LTBP1: variants seen among roughly 807,000 people sequenced by gnomAD.
The protein encoded by LTBP1 is latent-transforming growth factor beta-binding protein 1.
Under a neutral mutation model 207.6 loss-of-function variants are expected in LTBP1, and 129 were observed. The ratio of observed to expected loss-of-function variants is 0.62; its 90% CI spans 0.54 to 0.72. The LOEUF (loss-of-function observed/expected upper bound fraction) is 0.72, where lower values mean the gene tolerates loss of function less well. Ranked by LOEUF, LTBP1 falls within the 30% of genes least tolerant of loss-of-function variation. The probability of loss-of-function intolerance (pLI) is 0.00; values close to 1 mark genes in which losing one functional copy is unlikely to be tolerated. For synonymous variants in LTBP1, 963 were observed against 833.7 expected, an observed-to-expected ratio of 1.16 and a Z score of -2.67; for missense variants, 2,281 against 2,217.2, an observed-to-expected ratio of 1.03 and a Z score of -0.58.
At chr2:33,263,224 A>G (rs2093069481) in intron 14 of LTBP1, 70 bp from the exon 15 acceptor site, 1 of 899,932 alleles carries the variant, frequency 1.1e-6, no homozygotes, top group Non-Finnish European at 1.9e-6. Context: ...TTATGCTTGC[A>G]TTTTGAAATG....
intron 31 of LTBP1, among the ~76,000 whole-genome samples, chr2:33,376,986 T>C (rs1307155680): frequency 6.6e-6 from 1 of 151,898 alleles, no homozygotes; most frequent in African/African-American, 2.4e-5. Context: ...GGCAGGTGCA[T>C]TGGAAGGAAA....
At chr2:33,343,504 A>G (rs983936361) in intron 25 of LTBP1, among the ~76,000 whole-genome samples, 19 of 152,234 alleles carry the variant, frequency 1.2e-4, no homozygotes, top group Non-Finnish European at 4.4e-5. Context: ...AATTTTAACA[A>G]GAACATCTGT....
intron 8 of LTBP1, among the ~76,000 whole-genome samples, chr2:33,217,882 C>G (rs2090834323): frequency 6.6e-6 from 1 of 152,032 alleles, no homozygotes; most frequent in African/African-American, 2.4e-5. Context: ...AGTTGGATTA[C>G]TTATGGGGAA....
intron 16 of LTBP1, 137 bp from the exon 17 acceptor site, chr2:33,274,828 G>C: frequency 1.3e-6 from 1 of 746,020 alleles, no homozygotes; most frequent in South Asian, 1.7e-5. Flanking sequence ...GAGAAAGATC[G>C]TGTCTCCTTT....
chr2:33,153,747 C>T (rs1468124852), intron 5 of LTBP1, among the ~76,000 whole-genome samples: 3 of 152,164 alleles, frequency 2.0e-5, no homozygotes, highest in Non-Finnish European at 2.9e-5. Context: ...TCTAGATTAA[C>T]AGCATCTTGA....
intron 24 of LTBP1, among the ~76,000 whole-genome samples, chr2:33,322,085 A>G (rs184229558): frequency 6.6e-6 from 1 of 151,992 alleles, no homozygotes; most frequent in East Asian, 1.9e-4. Context: ...CAACATTTGT[A>G]TAAAGAAATT....
At chr2:32,947,892 G>T (rs924092204) in intron 1 of LTBP1, 74 bp downstream of exon 1, 1 of 1,213,442 alleles carries the variant, frequency 8.2e-7, no homozygotes, top group Non-Finnish European at 1.0e-6. Flanking sequence ...CGGGGTCAGG[G>T]CCACTCGGAG....
At chr2:33,330,600 G>A (rs987014842) in intron 24 of LTBP1, among the ~76,000 whole-genome samples, 1 of 151,602 alleles carries the variant, frequency 6.6e-6, no homozygotes, top group Admixed American at 6.6e-5. Context: ...TTCTGCATCT[G>A]TTGAAATAAT....
chr2:33,175,287 C>G (rs2085911921), intron 5 of LTBP1, among the ~76,000 whole-genome samples: 1 of 151,730 alleles, frequency 6.6e-6, no homozygotes, highest in African/African-American at 2.4e-5. Context: ...CCAGAATCTA[C>G]AATGAACTCA....
intron 33 of LTBP1, 23 bp from the exon 34 acceptor site, chr2:33,398,341 C>T (rs2150823266): frequency 1.9e-6 from 3 of 1,606,052 alleles, no homozygotes; most frequent in Non-Finnish European, 2.6e-6. Flanking sequence ...GATTGTTTAC[C>T]TGCATGGCTT....
At chr2:33,221,574 A>G (rs569573598) in intron 8 of LTBP1, among the ~76,000 whole-genome samples, 1 of 152,230 alleles carries the variant, frequency 6.6e-6, no homozygotes, top group African/African-American at 2.4e-5. Flanking sequence ...GGTGAGAATC[A>G]TCTCATGACT....
intron 31 of LTBP1, among the ~76,000 whole-genome samples, chr2:33,379,196 CTTTTTTTTTTTT>C (rs550839552): frequency 3.7e-5 from 4 of 108,540 alleles, no homozygotes; most frequent in Admixed American, 2.3e-4. Context: ...TTTGCCATTG[CTTTTTTTTTTTT>C]TTTTTTTTTT....
At chr2:33,369,895 A>G (rs1345494941) in intron 31 of LTBP1, among the ~76,000 whole-genome samples, 2 of 152,228 alleles carry the variant, frequency 1.3e-5, no homozygotes, top group Non-Finnish European at 2.9e-5. Context: ...AGTCACATTT[A>G]CACAAAACCA....
intron 21 of LTBP1, among the ~76,000 whole-genome samples, chr2:33,300,975 C>T (rs957356051): frequency 3.9e-5 from 6 of 152,062 alleles, no homozygotes; most frequent in African/African-American, 1.2e-4. Context: ...TTGTATTTAA[C>T]GTTGAAAAAT....
chr2:33,220,910 A>T (rs1558837349), intron 8 of LTBP1, among the ~76,000 whole-genome samples: 1 of 152,246 alleles, frequency 6.6e-6, no homozygotes, highest in Non-Finnish European at 1.5e-5. Flanking sequence ...GAATTGAAGG[A>T]GAAGAGGGAC....
intron 3 of LTBP1, among the ~76,000 whole-genome samples, chr2:33,024,519 G>A (rs538012453): frequency 6.6e-6 from 1 of 152,224 alleles, no homozygotes; most frequent in Admixed American, 6.5e-5. Context: ...TTTTAGGCAG[G>A]TGGGGATTAG....
At chr2:33,264,038 T>A (rs1194865571) in intron 15 of LTBP1, among the ~76,000 whole-genome samples, 2 of 150,266 alleles carry the variant, frequency 1.3e-5, no homozygotes, top group Non-Finnish European at 3.0e-5. Flanking sequence ...GGCAGATCAC[T>A]AGGTCAGGAG....
At chr2:33,254,852 GTTTTTTT>G (rs70938393) in intron 11 of LTBP1, among the ~76,000 whole-genome samples, 89 of 10,316 alleles carry the variant, frequency 8.6e-3, no homozygotes, top group African/African-American at 0.044. Flanking sequence ...GCGGTGTTTG[GTTTTTTT>G]TTTTTTTTTT....
intron 5 of LTBP1, among the ~76,000 whole-genome samples, chr2:33,181,141 G>T (rs187500696): frequency 6.6e-6 from 1 of 152,326 alleles, no homozygotes; most frequent in African/African-American, 2.4e-5. Flanking sequence ...GGACCCTGCT[G>T]CAGGAAGGTC....
Sources: gnomAD v4.1 joint callset for allele counts (sites outside exome capture counted in the v4.1 genomes callset) on GRCh38, gnomAD v4.1.1 for gene constraint, MANE v1.5 for transcripts, NCBI Gene and HGNC (gene_info 2026-07-23, HGNC 2026-07-21) for gene names.